NEO1: variants seen among roughly 807,000 people sequenced by gnomAD.
The protein encoded by NEO1 is neogenin 1.
In NEO1, 63 loss-of-function variants were observed where a neutral mutation model predicts 159.7. The ratio of observed to expected loss-of-function variants is 0.39; its 90% CI spans 0.32 to 0.49. The LOEUF is 0.49. Ranked by LOEUF, NEO1 falls within the 20% of genes least tolerant of loss-of-function variation. The pLI is 0.85. For synonymous variants in NEO1, 633 were observed against 662.0 expected, an observed-to-expected ratio of 0.96 and a Z score of 0.67; for missense variants, 1,615 against 1,831.0, an observed-to-expected ratio of 0.88 and a Z score of 2.15.
intron 5 of NEO1, among the ~76,000 whole-genome samples, chr15:73,159,168 G>A (rs1198843619): frequency 6.6e-6 from 1 of 152,152 alleles, no homozygotes; most frequent in African/African-American, 2.4e-5. Context: ...AACGAGAAAA[G>A]AAAGCACAAT....
intron 1 of NEO1, among the ~76,000 whole-genome samples, chr15:73,103,932 A>G (rs2070538687): frequency 6.6e-6 from 1 of 152,086 alleles, no homozygotes; most frequent in Non-Finnish European, 1.5e-5. Context: ...ATGGCTCACT[A>G]TGTCCTTTAT....
intron 3 of NEO1, among the ~76,000 whole-genome samples, chr15:73,125,759 A>G (rs2030120452): frequency 6.6e-6 from 1 of 152,220 alleles, no homozygotes; most frequent in South Asian, 2.1e-4. Context: ...GAAATACAAA[A>G]ATATAGTGGT....
chr15:73,134,874 A>G (rs757854356), intron 4 of NEO1, among the ~76,000 whole-genome samples: 2 of 152,228 alleles, frequency 1.3e-5, no homozygotes, highest in Non-Finnish European at 2.9e-5. Context: ...TAATTGATCC[A>G]TGGACACAGA....
chr15:73,112,738 C>T (rs564530901), intron 1 of NEO1, among the ~76,000 whole-genome samples: 52 of 152,226 alleles, frequency 3.4e-4, no homozygotes, highest in Middle Eastern at 6.8e-3. Flanking sequence ...AGGTCCTTAA[C>T]ATTTATATGT....
At chr15:73,185,439 A>G (rs1479432515) in intron 7 of NEO1, among the ~76,000 whole-genome samples, 1 of 152,180 alleles carries the variant, frequency 6.6e-6, no homozygotes, top group East Asian at 1.9e-4. Flanking sequence ...TGCTCTACAC[A>G]CTTATTAGGA....
intron 19 of NEO1, 59 bp from the exon 20 acceptor site, chr15:73,273,752 C>A: frequency 7.5e-7 from 1 of 1,335,172 alleles, no homozygotes; most frequent in Non-Finnish European, 1.0e-6. Context: ...TATTGATTTA[C>A]TGAAGGCAAA....
intron 23 of NEO1, among the ~76,000 whole-genome samples, chr15:73,283,346 G>C (rs2041808237): frequency 6.6e-6 from 1 of 152,228 alleles, no homozygotes; most frequent in African/African-American, 2.4e-5. Context: ...TCATAGGTGG[G>C]GTTAGGGCAA....
At chr15:73,072,974 G>T (rs1595911568) in intron 1 of NEO1, among the ~76,000 whole-genome samples, 1 of 152,162 alleles carries the variant, frequency 6.6e-6, no homozygotes, top group East Asian at 1.9e-4. Flanking sequence ...TACGGAGAAA[G>T]AACTAAGTTT....
intron 7 of NEO1, among the ~76,000 whole-genome samples, chr15:73,230,919 C>G (rs1323224601): frequency 6.6e-6 from 1 of 152,018 alleles, no homozygotes; most frequent in African/African-American, 2.4e-5. Flanking sequence ...TTAAATTTTT[C>G]TTATGATTTC....
At chr15:73,111,123 A>G (rs1357827414) in intron 1 of NEO1, among the ~76,000 whole-genome samples, 1 of 151,674 alleles carries the variant, frequency 6.6e-6, no homozygotes, top group African/African-American at 2.4e-5. Flanking sequence ...CAAACCCACT[A>G]CTCTCCCCAG....
At chr15:73,178,539 C>T in intron 7 of NEO1, 112 bp downstream of exon 7, 1 of 1,126,328 alleles carries the variant, frequency 8.9e-7, no homozygotes, top group Non-Finnish European at 1.2e-6. Flanking sequence ...CAATATGTGG[C>T]ATAGCTAAGA....
In NEO1 at chr15:73,151,616, A is replaced by T. The variant is rs190283134; in HGVS notation, c.1015+15589A>T. 3.9e-5 allele frequency among the ~76,000 whole-genome samples: 6 copies of T among 152,318 alleles called. No individual in the cohort carries two copies. The East Asian group carries it at 1.2e-3, about 29-fold the overall frequency. ...AACATGTCCTTCTTCACATGGTGGC[A>T]GGAAGGAGAAGTGCCAAGCAAACCC... On this transcript the variant is annotated intron_variant, in intron 5 of 28. Coordinates refer to ENST00000261908, the MANE Select transcript of NEO1 (RefSeq NM_002499.4).
rs191295028 is a variant in NEO1 at position 73,249,880 on chromosome 15, C to A, written c.1894+159C>A. On this transcript the variant is annotated intron_variant, in intron 11 of 28. Transcript: ENST00000261908. ...AGTCAAGTCTGAACATCTTTTTTCA[C>A]GTGTAAAATGTAGATAATACCAACT... is the stretch of plus-strand genomic sequence containing the variant. Among the ~76,000 whole-genome samples, 4 of 152,200 alleles carry A rather than the reference C, an allele frequency of 2.6e-5. No homozygotes were observed. The East Asian group carries it at 7.7e-4, about 29-fold the overall frequency.
At chr15:73,207,144 G>C (rs2037286080) in intron 7 of NEO1, among the ~76,000 whole-genome samples, 1 of 152,174 alleles carries the variant, frequency 6.6e-6, no homozygotes, top group Non-Finnish European at 1.5e-5. Flanking sequence ...TTAATGAATA[G>C]ATTTGTTACT....
intron 9 of NEO1, among the ~76,000 whole-genome samples, chr15:73,246,126 T>A (rs1178823788): frequency 6.6e-6 from 1 of 152,224 alleles, no homozygotes; most frequent in Non-Finnish European, 1.5e-5. Flanking sequence ...TTTCTAATGC[T>A]ATGGCATATC....
intron 5 of NEO1, among the ~76,000 whole-genome samples, chr15:73,164,158 G>A (rs1045916380): frequency 1.3e-5 from 2 of 150,216 alleles, no homozygotes; most frequent in African/African-American, 4.9e-5. Flanking sequence ...CTCCCAAGTA[G>A]CTGGGATTAC....
At chr15:73,301,016 A>G (rs540057120) in intron 27 of NEO1, among the ~76,000 whole-genome samples, 25 of 152,328 alleles carry the variant, frequency 1.6e-4, no homozygotes, top group Non-Finnish European at 3.2e-4. Flanking sequence ...AAGGCAAATA[A>G]TGTCTTACTA....
intron 1 of NEO1, among the ~76,000 whole-genome samples, chr15:73,097,636 C>T (rs749970980): frequency 4.3e-4 from 65 of 152,114 alleles, no homozygotes; most frequent in Non-Finnish European, 8.1e-4. Context: ...GCTGGGATTA[C>T]AGGCGCGAGC....
intron 5 of NEO1, among the ~76,000 whole-genome samples, chr15:73,138,735 G>A (rs1963254): frequency 0.13 from 19,114 of 144,312 alleles, 1,882 homozygotes; most frequent in African/African-American, 0.28. Flanking sequence ...CAGCCTGGGC[G>A]ACAGAGCGAG....
Sources: allele counts gnomAD v4.1 joint callset (sites outside exome capture counted in the v4.1 genomes callset), GRCh38; gene constraint gnomAD v4.1.1; transcripts MANE v1.5; gene names NCBI Gene and HGNC (gene_info 2026-07-23, HGNC 2026-07-21).